The following SGK1 variants were observed in gnomAD, a reference collection of about 807,000 sequenced individuals.
SGK1 encodes serum/glucocorticoid regulated kinase 1.
In SGK1, 26 loss-of-function variants were observed where a neutral mutation model predicts 64.2. The ratio of observed to expected loss-of-function variants is 0.40; its 90% CI spans 0.30 to 0.56. SGK1 has a LOEUF of 0.56. SGK1 is among the 20% of genes least tolerant of loss of function. The probability of loss-of-function intolerance (pLI) is 0.38; values close to 1 mark genes in which losing one functional copy is unlikely to be tolerated. For missense variants in SGK1, 519 were observed against 645.6 expected (o/e 0.80, Z 2.12); for synonymous variants, 265 against 239.7 (o/e 1.11, Z -0.98).
chr6:134,179,370 C>G (rs895636237), intron 3 of SGK1, among the ~76,000 whole-genome samples: 4 of 151,952 alleles, frequency 2.6e-5, no homozygotes, highest in African/African-American at 9.7e-5. Context: ...CCCTGGAACA[C>G]CCTCAAAAAA....
intron 1 of SGK1, among the ~76,000 whole-genome samples, chr6:134,307,079 A>G (rs1335942851): frequency 6.6e-6 from 1 of 151,764 alleles, no homozygotes; most frequent in African/African-American, 2.4e-5. Context: ...GTACTAGATG[A>G]AAAAAAAATT....
intron 1 of SGK1, among the ~76,000 whole-genome samples, chr6:134,286,626 C>A (rs184622981): frequency 1.3e-5 from 2 of 151,904 alleles, no homozygotes; most frequent in South Asian, 4.2e-4. Context: ...ACACGATGCC[C>A]GGCTAATTTT....
intron 1 of SGK1, among the ~76,000 whole-genome samples, chr6:134,274,667 GA>G (rs752128288): frequency 0.019 from 2,156 of 111,680 alleles, 20 homozygotes; most frequent in South Asian, 0.027. Context: ...TCCAAAATCT[GA>G]AAAAAAAAAA....
At chr6:134,257,465 C>T (rs1776702596) in intron 2 of SGK1, among the ~76,000 whole-genome samples, 1 of 152,160 alleles carries the variant, frequency 6.6e-6, no homozygotes, top group Admixed American at 6.5e-5. Context: ...AAGACTTGCA[C>T]TTAATTTGCC....
intron 8 of SGK1, 28 bp downstream of exon 8, chr6:134,172,995 A>G (rs371458273): frequency 2.1e-5 from 34 of 1,596,534 alleles, no homozygotes; most frequent in Non-Finnish European, 2.7e-5. Flanking sequence ...AGAGACACTA[A>G]GAGTTGACTT....
At chr6:134,262,638 G>A (rs1291451392) in intron 1 of SGK1, among the ~76,000 whole-genome samples, 1 of 151,962 alleles carries the variant, frequency 6.6e-6, no homozygotes, top group Non-Finnish European at 1.5e-5. Flanking sequence ...AGCGGAGGTT[G>A]CAGTGAGCTG....
intron 1 of SGK1, among the ~76,000 whole-genome samples, chr6:134,267,329 A>AC (rs1776869832): frequency 6.6e-6 from 1 of 151,174 alleles, no homozygotes. Context: ...ATACAGTCTC[A>AC]CTCTATTCCC....
Position 134,213,212 on chromosome 6 carries a change from G to A in SGK1, c.286-5781C>T, listed in dbSNP as rs138757259. Among the ~76,000 whole-genome samples, 31 of 152,158 alleles carry A rather than the reference G, an allele frequency of 2.0e-4. No homozygotes were observed. In the East Asian group the frequency reaches 4.4e-3, roughly 22 times the overall value. ...ATAGCTTTAGGTACTTTGCAGAAGC[G>A]AGAAAATTTATTATCAGATAAAGTC... is the stretch of plus-strand genomic sequence containing the variant. On this transcript the variant is annotated intron_variant, in intron 2 of 13. Transcript: ENST00000367858.
chr6:134,221,046 G>A (rs1582721856), intron 2 of SGK1, among the ~76,000 whole-genome samples: 1 of 151,632 alleles, frequency 6.6e-6, no homozygotes, highest in African/African-American at 2.4e-5. Context: ...GCTCATGCCT[G>A]TAATCCCAGC....
chr6:134,256,130 A>T (rs1476161573), intron 2 of SGK1, among the ~76,000 whole-genome samples: 1 of 150,844 alleles, frequency 6.6e-6, no homozygotes, highest in Non-Finnish European at 1.5e-5. Context: ...TATTGCTAAA[A>T]CTACTTTCCT....
intron 2 of SGK1, among the ~76,000 whole-genome samples, chr6:134,237,813 C>T (rs2114721297): frequency 6.6e-6 from 1 of 152,220 alleles, no homozygotes; most frequent in African/African-American, 2.4e-5. Flanking sequence ...AAATAGCTTT[C>T]CACCAAAATA....
intron 1 of SGK1, among the ~76,000 whole-genome samples, chr6:134,281,549 A>G (rs1366015753): frequency 2.0e-5 from 3 of 149,500 alleles, no homozygotes; most frequent in Non-Finnish European, 4.4e-5. Flanking sequence ...ACAGATTCTC[A>G]GTCGGTCTCC....
chr6:134,249,414 T>G (rs996859876), intron 2 of SGK1: 1 of 152,262 alleles, frequency 6.6e-6, no homozygotes, highest in East Asian at 1.9e-4. Context: ...CTTTGGTTAT[T>G]TGTCCCATCT....
chr6:134,236,614 G>A (rs940026819), intron 2 of SGK1, among the ~76,000 whole-genome samples: 26 of 152,136 alleles, frequency 1.7e-4, no homozygotes, highest in African/African-American at 6.3e-4. Context: ...ATGACAGACC[G>A]AGACTCTATC....
intron 3 of SGK1, among the ~76,000 whole-genome samples, chr6:134,186,505 CAG>C (rs1328723669): frequency 6.6e-6 from 1 of 152,210 alleles, no homozygotes; most frequent in African/African-American, 2.4e-5. Context: ...CTTAACAAAA[CAG>C]GGAGGAAATA....
chr6:134,298,185 C>T (rs1384109997), intron 1 of SGK1: 85 of 1,455,604 alleles, frequency 5.8e-5, no homozygotes, highest in Non-Finnish European at 7.7e-5. Context: ...TCATCCTCAC[C>T]AGCCCCTGCA....
intron 3 of SGK1, among the ~76,000 whole-genome samples, chr6:134,176,236 A>C (rs920790392): frequency 1.3e-5 from 2 of 152,132 alleles, no homozygotes; most frequent in African/African-American, 4.8e-5. Flanking sequence ...ACATGGTCTT[A>C]AAATCGTCCC....
intron 1 of SGK1, chr6:134,297,945 A>G: frequency 1.2e-6 from 1 of 807,634 alleles, no homozygotes; most frequent in East Asian, 2.4e-5. Context: ...GACCTCAGTG[A>G]TGATGCCGTC....
At chr6:134,261,474 G>A in intron 2 of SGK1, 1 of 266,530 alleles carries the variant, frequency 3.8e-6, no homozygotes, top group Non-Finnish European at 7.1e-6. Context: ...ATCAGTGGTT[G>A]CTAGGGGTCA....
Sources: gnomAD v4.1 joint callset for allele counts (sites outside exome capture counted in the v4.1 genomes callset) on GRCh38, gnomAD v4.1.1 for gene constraint, MANE v1.5 for transcripts, NCBI Gene and HGNC (gene_info 2026-07-23, HGNC 2026-07-21) for gene names.